The following COL27A1 variants were observed in gnomAD, a reference collection of about 807,000 sequenced individuals.
COL27A1 encodes the protein collagen alpha-1(XXVII) chain.
A neutral mutation model predicts 251.3 loss-of-function variants in COL27A1; 106 were observed. That is an observed-to-expected ratio of 0.42 (90% CI 0.36 to 0.50). COL27A1 has a LOEUF of 0.50. COL27A1 is among the 20% of genes least tolerant of loss of function. COL27A1 has a pLI of 0.00. For synonymous variants in COL27A1, 1,000 were observed against 986.3 expected (o/e 1.01, Z -0.26); for missense variants, 2,325 against 2,522.8 (o/e 0.92, Z 1.68).
In COL27A1 at chr9:114,284,594, C is replaced by G. The variant is rs1827329244; in HGVS notation, c.3934-130C>G. ...GGGCCCAGACAGGCACAGACTTACT[C>G]AGAGCCACACAGCCAGCTGGGGCAG... On this transcript the variant is annotated intron_variant, in intron 40 of 60. Coordinates refer to ENST00000356083, the MANE Select transcript of COL27A1 (RefSeq NM_032888.4). The G allele has an allele frequency of 3.3e-6, 3 of 897,814 alleles. No homozygotes were observed. The Admixed American group carries it at 5.6e-5, about 17-fold the overall frequency. 55.6% of individuals were successfully genotyped at this position (897,814 alleles called of 1,614,324 possible).
chr9:114,278,435 A>ATGGTGGTGG (rs1835663749), intron 37 of COL27A1, among the ~76,000 whole-genome samples: 3 of 1,452 alleles, frequency 2.1e-3, no homozygotes, highest in Admixed American at 7.6e-3. Context: ...GGTAATGATA[A>ATGGTGGTGG]TGATGATGAT....
At chr9:114,179,133 G>A (rs1032182432) in intron 4 of COL27A1, among the ~76,000 whole-genome samples, 1 of 152,174 alleles carries the variant, frequency 6.6e-6, no homozygotes. Context: ...CCTTTCCCAC[G>A]CTGGGTGCCT....
intron 27 of COL27A1, among the ~76,000 whole-genome samples, chr9:114,257,879 G>T (rs1328423980): frequency 6.6e-6 from 1 of 152,186 alleles, no homozygotes; most frequent in Non-Finnish European, 1.5e-5. Context: ...AGGGAGATGA[G>T]GATTTGAGGA....
chr9:114,292,717 T>C (rs2131635013), intron 49 of COL27A1, among the ~76,000 whole-genome samples: 1 of 152,280 alleles, frequency 6.6e-6, no homozygotes, highest in South Asian at 2.1e-4. Flanking sequence ...CCACTTCAAA[T>C]ATAAAGATAT....
At chr9:114,240,575 T>C (rs1832691547) in intron 21 of COL27A1, 88 bp downstream of exon 21, 8 of 1,306,530 alleles carry the variant, frequency 6.1e-6, no homozygotes, top group Non-Finnish European at 8.5e-6. Flanking sequence ...GGCCTTAGCT[T>C]GGGCTGGAGC....
rs752893883 is a variant in COL27A1, at chr9:114,252,622, C to T, written c.3063C>T (p.Gly1021=). 93 of 1,613,828 alleles carry T rather than the reference C, an allele frequency of 5.8e-5. No individual in the cohort carries two copies. Among genetic ancestry groups the T allele is most frequent in the Non-Finnish European group, 6.4e-5 (76 of 1,179,998 alleles). ...KGDRGMMGPP[G]VPGPKGSMGH... ...ATCGTGGCATGATGGGACCCCCAGG[C>T]GTGCCTGGACCCAAGGGGTCGATGG... is the stretch of plus-strand genomic sequence containing the variant. The change falls in exon 26 of 61, where the codon GGC becomes GGT. Residue 1021 remains glycine (G), a synonymous_variant. Coordinates refer to ENST00000356083, the MANE Select transcript of COL27A1 (RefSeq NM_032888.4).
Position 114,258,443 on chromosome 9 carries a change from G to A in COL27A1, c.3142-98G>A, listed in dbSNP as rs534141812. 156 of 1,230,400 alleles carry A rather than the reference G, an allele frequency of 1.3e-4. No homozygotes were observed. The African/African-American group carries it at 2.2e-3, about 17-fold the overall frequency. The allele number at this position is 1,230,400 out of a possible 1,614,324, so 76.2% of individuals were successfully genotyped here. On this transcript the variant is annotated intron_variant, in intron 27 of 60. Coordinates refer to ENST00000356083, the MANE Select transcript of COL27A1 (RefSeq NM_032888.4). ...CAGCTTCTGAACATGCCCGTCTGAG[G>A]GCTGCAGGCCTTCAAGCTTTGCCCC...
intron 7 of COL27A1, among the ~76,000 whole-genome samples, chr9:114,202,066 A>G (rs1829618235): frequency 1.3e-5 from 2 of 152,176 alleles, no homozygotes; most frequent in Non-Finnish European, 1.5e-5. Flanking sequence ...CCATGAACTG[A>G]TATGTGAAGG....
intron 36 of COL27A1, chr9:114,272,674 C>CAGACACACTGCT (rs1160697492): frequency 1.3e-5 from 2 of 152,214 alleles, no homozygotes; most frequent in Non-Finnish European, 2.9e-5. Flanking sequence ...ATTCACATGC[C>CAGACACACTGCT]AGACACACTG....
At chr9:114,201,231 T>A (rs1476257136) in intron 7 of COL27A1, among the ~76,000 whole-genome samples, 1 of 152,110 alleles carries the variant, frequency 6.6e-6, no homozygotes, top group Non-Finnish European at 1.5e-5. Flanking sequence ...AAACATTCCC[T>A]CTCCCTTAGT....
Position 114,290,338 on chromosome 9 carries a change from G to A in COL27A1, c.4368+7G>A, listed in dbSNP as rs909874370. The A allele has an allele frequency of 9.6e-6, 15 of 1,567,564 alleles. No homozygotes were observed. The highest frequency in any genetic ancestry group is 2.3e-5 in the South Asian group (2 of 85,430). ...CGGGCAAGCAGGACAGCAGGTGAGCGGGAATTGGCATTAACAGATGGTGGC... is the reference window on the plus strand; with the variant it reads ...CGGGCAAGCAGGACAGCAGGTGAGCAGGAATTGGCATTAACAGATGGTGGC... On this transcript the variant is annotated splice_region_variant and intron_variant, in intron 47 of 60. Coordinates refer to ENST00000356083, the MANE Select transcript of COL27A1 (RefSeq NM_032888.4). The surrounding 1 kb of genome is among the most constrained non-coding windows in gnomAD (Gnocchi z 4.6).
At chr9:114,309,153 GC>G in intron 59 of COL27A1, 106 bp from the exon 60 acceptor site, 1 of 888,278 alleles carries the variant, frequency 1.1e-6, no homozygotes, top group Non-Finnish European at 1.9e-6. Flanking sequence ...GGAAATGCTT[GC>G]CAGGAAGGGG....
chr9:114,173,156 C>T (rs907453711), intron 3 of COL27A1, among the ~76,000 whole-genome samples: 11 of 152,188 alleles, frequency 7.2e-5, no homozygotes, highest in Admixed American at 5.9e-4. Context: ...TGAGTTGGGG[C>T]GGGGAGGCCG....
intron 16 of COL27A1, among the ~76,000 whole-genome samples, chr9:114,233,802 G>T (rs920016919): frequency 6.6e-6 from 1 of 152,134 alleles, no homozygotes; most frequent in African/African-American, 2.4e-5. Context: ...TTATTTTCAT[G>T]CCCATAGTTT....
At chr9:114,155,151 A>G (rs1469218206), upstream of COL27A1, among the ~76,000 whole-genome samples, 1 of 151,968 alleles carries the variant, frequency 6.6e-6, no homozygotes, top group Non-Finnish European at 1.5e-5. The surrounding 1 kb of genome is among the most constrained non-coding windows in gnomAD (Gnocchi z 5.5). Flanking sequence ...GGGCGTCTGG[A>G]CACCAAGTTC....
chr9:114,243,415 G>A (rs1832898489), intron 22 of COL27A1, 92 bp from the exon 23 acceptor site: 3 of 1,030,130 alleles, frequency 2.9e-6, no homozygotes, highest in South Asian at 1.3e-5. Context: ...CTCTACAGCT[G>A]TGGATACCCT....
intron 19 of COL27A1, among the ~76,000 whole-genome samples, chr9:114,238,849 C>T (rs1004113512): frequency 1.3e-5 from 2 of 152,204 alleles, no homozygotes; most frequent in East Asian, 3.9e-4. Flanking sequence ...CTTGCTGAAT[C>T]GCCACGACAG....
At chr9:114,294,179 C>T (rs1387742305) in intron 49 of COL27A1, among the ~76,000 whole-genome samples, 4 of 137,934 alleles carry the variant, frequency 2.9e-5, no homozygotes, top group Non-Finnish European at 6.1e-5. Context: ...ACCTGGGAGG[C>T]GGAGGTTGCA....
chr9:114,302,654 G>A (rs1409436164), intron 56 of COL27A1, among the ~76,000 whole-genome samples: 2 of 150,536 alleles, frequency 1.3e-5, no homozygotes, highest in Non-Finnish European at 2.9e-5. Context: ...GCTGCAGTGA[G>A]CCAAGATCGA....
Sources: gnomAD v4.1 joint callset for allele counts (sites outside exome capture counted in the v4.1 genomes callset) on GRCh38, gnomAD v4.1.1 for gene constraint, Gnocchi (gnomAD v3.1) non-coding constraint, MANE v1.5 for transcripts, NCBI Gene and HGNC (gene_info 2026-07-23, HGNC 2026-07-21) for gene names.